PIGL: variants seen among roughly 807,000 people sequenced by gnomAD.
The protein encoded by PIGL is phosphatidylinositol glycan anchor biosynthesis class L.
PIGL carries 22 observed loss-of-function variants against 31.1 expected under a neutral mutation model. The observed-to-expected ratio is 0.71, with a 90% confidence interval of 0.51 to 1.01. The LOEUF (loss-of-function observed/expected upper bound fraction) is 1.01, where lower values mean the gene tolerates loss of function less well. Ranked by LOEUF, PIGL falls within the 50% of genes least tolerant of loss-of-function variation. The pLI is 0.00. For synonymous variants in PIGL, 131 were observed against 117.4 expected, an observed-to-expected ratio of 1.12 and a Z score of -0.75; for missense variants, 302 against 315.9, an observed-to-expected ratio of 0.96 and a Z score of 0.33.
chr17:16,309,490 C>A (rs1568839101), intron 3 of PIGL, among the ~76,000 whole-genome samples: 1 of 152,162 alleles, frequency 6.6e-6, no homozygotes. Flanking sequence ...AGGCCGGGCA[C>A]GGTGGCTCAC....
At chr17:16,281,054 T>C (rs2092914804) in intron 2 of PIGL, among the ~76,000 whole-genome samples, 1 of 152,214 alleles carries the variant, frequency 6.6e-6, no homozygotes, top group South Asian at 2.1e-4. Flanking sequence ...GAGAAGACTC[T>C]TGTGCTTTCA....
chr17:16,299,133 G>A (rs754464366), intron 2 of PIGL, among the ~76,000 whole-genome samples: 3 of 151,968 alleles, frequency 2.0e-5, no homozygotes, highest in Non-Finnish European at 4.4e-5. Flanking sequence ...GCTTGAACCC[G>A]GGAGGTGGAG....
intron 2 of PIGL, among the ~76,000 whole-genome samples, chr17:16,243,872 C>T (rs2092733392): frequency 1.3e-5 from 2 of 152,226 alleles, no homozygotes; most frequent in African/African-American, 2.4e-5. Flanking sequence ...CGCAGAGCTG[C>T]GGGAGACCAG....
At chr17:16,287,970 G>A (rs2092945025) in intron 2 of PIGL, among the ~76,000 whole-genome samples, 1 of 152,086 alleles carries the variant, frequency 6.6e-6, no homozygotes, top group South Asian at 2.1e-4. Context: ...GGGTCAAAGG[G>A]CACAGATATT....
chr17:16,282,614 C>T (rs2092921085), intron 2 of PIGL, among the ~76,000 whole-genome samples: 1 of 152,174 alleles, frequency 6.6e-6, no homozygotes, highest in African/African-American at 2.4e-5. Flanking sequence ...CCTTCTAACT[C>T]CTGCATTCTC....
At chr17:16,299,618 C>G (rs571001625) in intron 2 of PIGL, among the ~76,000 whole-genome samples, 12 of 152,326 alleles carry the variant, frequency 7.9e-5, no homozygotes, top group South Asian at 6.2e-4. Context: ...GTCTCCCCAA[C>G]TTGTGGACAG....
At chr17:16,321,436 C>T (rs989935296) in intron 6 of PIGL, among the ~76,000 whole-genome samples, 1 of 151,918 alleles carries the variant, frequency 6.6e-6, no homozygotes, top group Admixed American at 6.6e-5. Flanking sequence ...CACGGGGTTT[C>T]GCCATGTTGG....
intron 2 of PIGL, among the ~76,000 whole-genome samples, chr17:16,245,080 C>T (rs902599955): frequency 2.0e-5 from 3 of 151,908 alleles, no homozygotes; most frequent in Non-Finnish European, 4.4e-5. Context: ...GCAACCTCCA[C>T]CTCCTGGATT....
chr17:16,299,878 T>C lies in PIGL; in HGVS notation c.336-10T>C. 1 of 1,606,798 alleles carries C rather than the reference T, an allele frequency of 6.2e-7. No individual in the cohort carries two copies. The highest frequency in any genetic ancestry group is 8.5e-7 in the Non-Finnish European group (1 of 1,173,368). On this transcript the variant is annotated splice_polypyrimidine_tract_variant and intron_variant, in intron 2 of 6. Transcript: ENST00000225609. ...AGAAAAGGTGTTCAAGTTGTGCTTCTCTCTTGTAGGGATTTCCCAGATGAC... is the reference window on the plus strand; with the variant it reads ...AGAAAAGGTGTTCAAGTTGTGCTTCCCTCTTGTAGGGATTTCCCAGATGAC...
intron 2 of PIGL, among the ~76,000 whole-genome samples, chr17:16,258,665 A>G (rs926540310): frequency 6.6e-6 from 1 of 151,626 alleles, no homozygotes; most frequent in African/African-American, 2.4e-5. Flanking sequence ...CACCATGCCC[A>G]GCTAATTTTA....
intron 2 of PIGL, among the ~76,000 whole-genome samples, chr17:16,267,609 C>A (rs59837344): frequency 6.6e-6 from 1 of 150,576 alleles, no homozygotes; most frequent in Non-Finnish European, 1.5e-5. Flanking sequence ...GAGGCTGAGG[C>A]GGGAAGATCA....
chr17:16,233,687 G>A (rs552385296), intron 1 of PIGL, among the ~76,000 whole-genome samples: 2 of 152,218 alleles, frequency 1.3e-5, no homozygotes, highest in South Asian at 4.1e-4. Flanking sequence ...CCTTGGCTGT[G>A]TACCATGCTG....
At chr17:16,245,820 A>ACACACACACACATATATATATATATAT (rs2092743878) in intron 2 of PIGL, among the ~76,000 whole-genome samples, 1 of 140,656 alleles carries the variant, frequency 7.1e-6, no homozygotes, top group Non-Finnish European at 1.5e-5. Flanking sequence ...ATATATATAT[A>ACACACACACACATATATATATATATAT]TTTTTTTTTG....
At chr17:16,311,934 G>A (rs2093052441) in intron 3 of PIGL, among the ~76,000 whole-genome samples, 1 of 151,934 alleles carries the variant, frequency 6.6e-6, no homozygotes, top group Non-Finnish European at 1.5e-5. Flanking sequence ...CCACAAAACC[G>A]CCATCGTCAT....
chr17:16,294,646 A>G (rs1051738309), intron 2 of PIGL, among the ~76,000 whole-genome samples: 1 of 152,192 alleles, frequency 6.6e-6, no homozygotes, highest in Non-Finnish European at 1.5e-5. Context: ...CATCGCCTCT[A>G]TCTTAAGCCT....
In PIGL at chr17:16,325,890, T is replaced by C; in HGVS notation, c.751T>C (p.Phe251Leu). 6.2e-7 allele frequency: 1 copy of C among 1,611,292 alleles called. No individual in the cohort carries two copies. Among genetic ancestry groups the C allele is most frequent in the African/African-American group, 1.3e-5 (1 of 74,994 alleles). Reference sequence around the variant, plus strand: ...GTACATGAGAATCAACTCACTGAGCTTCCTCTGAAGCCTTGAAGGGTTTTC... The same window carrying C: ...GTACATGAGAATCAACTCACTGAGCCTCCTCTGAAGCCTTGAAGGGTTTTC... ...SRYMRINSLS[F>L]L The change falls in exon 7 of 7, where the codon TTC (phenylalanine) becomes CTC (leucine). Residue 251 changes from phenylalanine (F) to leucine (L), a missense_variant. Phe to Leu is a conservative substitution (Grantham distance 22). Coordinates refer to ENST00000225609, the MANE Select transcript of PIGL (RefSeq NM_004278.4).
chr17:16,304,964 A>C (rs945680376), intron 3 of PIGL, among the ~76,000 whole-genome samples: 1 of 152,084 alleles, frequency 6.6e-6, no homozygotes, highest in Admixed American at 6.6e-5. Context: ...AGATGTCAGT[A>C]GCAATCCCCC....
chr17:16,261,419 T>C (rs1469358302), intron 2 of PIGL, among the ~76,000 whole-genome samples: 1 of 152,104 alleles, frequency 6.6e-6, no homozygotes, highest in Non-Finnish European at 1.5e-5. Flanking sequence ...AATAGATAAA[T>C]TGGACTTTGT....
At chr17:16,231,597 T>A (rs1013677594) in intron 1 of PIGL, among the ~76,000 whole-genome samples, 2 of 152,124 alleles carry the variant, frequency 1.3e-5, no homozygotes, top group East Asian at 1.9e-4. Context: ...TAATTTTAAA[T>A]TTTTTAAGTA....
Sources: gnomAD v4.1 joint callset for allele counts (sites outside exome capture counted in the v4.1 genomes callset) on GRCh38, gnomAD v4.1.1 for gene constraint, MANE v1.5 for transcripts, NCBI Gene and HGNC (gene_info 2026-07-23, HGNC 2026-07-21) for gene names.